The following MAP3K5 variants were observed in gnomAD, a reference collection of about 807,000 sequenced individuals.
MAP3K5 encodes the protein ASK-1.
Under a neutral mutation model 158.7 loss-of-function variants are expected in MAP3K5, and 56 were observed. The observed-to-expected ratio is 0.35, with a 90% CI of 0.28 to 0.44. The LOEUF (loss-of-function observed/expected upper bound fraction) is 0.44, where lower values mean the gene tolerates loss of function less well. Among genes scored for constraint, MAP3K5 ranks in the 20% least tolerant of loss-of-function variants. The pLI, the probability that MAP3K5 is intolerant of heterozygous loss-of-function variation, is 1.00. For missense variants in MAP3K5, 1,294 were observed against 1,674.8 expected, an observed-to-expected ratio of 0.77 and a Z score of 3.97; for synonymous variants, 579 against 601.7, an observed-to-expected ratio of 0.96 and a Z score of 0.55.
At chr6:136,598,818 C>T (rs1276987629) in intron 21 of MAP3K5, among the ~76,000 whole-genome samples, 1 of 152,082 alleles carries the variant, frequency 6.6e-6, no homozygotes, top group Non-Finnish European at 1.5e-5. Flanking sequence ...GTAAGACGAG[C>T]TAATAGGTCA....
chr6:136,747,578 T>C (rs1459576991), intron 1 of MAP3K5, among the ~76,000 whole-genome samples: 2 of 152,200 alleles, frequency 1.3e-5, no homozygotes, highest in African/African-American at 4.8e-5. Flanking sequence ...AGGTCATGAG[T>C]GTCTTTTGCA....
At position 136,557,767 on chromosome 6, in the gene MAP3K5, T is replaced by C. The variant is rs1203000312; in HGVS notation, c.4116A>G (p.Lys1372=). The C allele has an allele frequency of 6.2e-6, 10 of 1,611,226 alleles. No homozygotes were observed. The highest frequency in any genetic ancestry group is 7.6e-6 in the Non-Finnish European group (9 of 1,177,530). The change falls in exon 30 of 30, where the codon AAA becomes AAG. Residue 1372 remains lysine (K), a synonymous_variant. Transcript: ENST00000359015. ...LWKAIIDFRN[K]QT is the part of the protein sequence containing the mutation. ...TTAGATTGAGCAACAGTCAAGTCTG[T>C]TTGTTTCGAAAGTCAATGATAGCCT...
chr6:136,637,909 C>A (rs900805873), intron 13 of MAP3K5, among the ~76,000 whole-genome samples: 18 of 152,136 alleles, frequency 1.2e-4, no homozygotes, highest in Non-Finnish European at 1.8e-4. Flanking sequence ...AACTCAGAAC[C>A]TTTCTTACCC....
chr6:136,579,808 T>C (rs1223913540), intron 25 of MAP3K5: 6 of 456,168 alleles, frequency 1.3e-5, no homozygotes, highest in African/African-American at 1.2e-4. Flanking sequence ...AGACTAGTCT[T>C]TAAAAAAAAA....
chr6:136,655,315 C>G (rs1405614609), intron 10 of MAP3K5, among the ~76,000 whole-genome samples: 1 of 152,188 alleles, frequency 6.6e-6, no homozygotes, highest in Non-Finnish European at 1.5e-5. Context: ...AAGTATTTTC[C>G]TAGGCTACAC....
At chr6:136,587,177 G>A (rs1284390136) in intron 23 of MAP3K5, among the ~76,000 whole-genome samples, 1 of 152,110 alleles carries the variant, frequency 6.6e-6, no homozygotes, top group Non-Finnish European at 1.5e-5. Context: ...GCTTTTCATG[G>A]TTTAAGGGTT....
intron 15 of MAP3K5, among the ~76,000 whole-genome samples, chr6:136,618,997 A>G (rs1776687780): frequency 6.6e-6 from 1 of 152,172 alleles, no homozygotes; most frequent in Non-Finnish European, 1.5e-5. Flanking sequence ...GGCGAGTGCA[A>G]CAGAGGAGAA....
chr6:136,741,071 T>C (rs1440952730), intron 1 of MAP3K5, among the ~76,000 whole-genome samples: 3 of 152,186 alleles, frequency 2.0e-5, no homozygotes, highest in African/African-American at 4.8e-5. Context: ...TGGTTGTCGA[T>C]ATAGACCATG....
intron 8 of MAP3K5, among the ~76,000 whole-genome samples, chr6:136,666,349 CTTAA>C (rs1017883069): frequency 1.3e-5 from 2 of 152,160 alleles, no homozygotes; most frequent in African/African-American, 2.4e-5. Context: ...GAGTGCTCAT[CTTAA>C]TTGTTTACCC....
At chr6:136,729,247 G>A (rs1782102406) in intron 1 of MAP3K5, among the ~76,000 whole-genome samples, 1 of 152,198 alleles carries the variant, frequency 6.6e-6, no homozygotes, top group African/African-American at 2.4e-5. Context: ...CTCCAGAAGA[G>A]TAATGAGCAT....
intron 1 of MAP3K5, among the ~76,000 whole-genome samples, chr6:136,789,587 T>C (rs1483983759): frequency 1.3e-5 from 2 of 149,858 alleles, no homozygotes; most frequent in Admixed American, 6.7e-5. Flanking sequence ...GCCAGCTCAC[T>C]CACATGATTC....
chr6:136,563,412 C>T (rs1311494321), intron 26 of MAP3K5, among the ~76,000 whole-genome samples: 1 of 152,024 alleles, frequency 6.6e-6, no homozygotes, highest in Non-Finnish European at 1.5e-5. Context: ...ATTTGAGAAA[C>T]AGTCATAGGT....
intron 18 of MAP3K5, among the ~76,000 whole-genome samples, chr6:136,610,678 T>C (rs1776296305): frequency 6.9e-6 from 1 of 144,744 alleles, no homozygotes; most frequent in East Asian, 2.0e-4. Flanking sequence ...GAAAAATAAG[T>C]AACAAGTTGA....
intron 2 of MAP3K5, among the ~76,000 whole-genome samples, chr6:136,719,284 A>C (rs1457094379): frequency 6.6e-6 from 1 of 152,240 alleles, no homozygotes. Flanking sequence ...AAATAGCAGC[A>C]AATCAAAATG....
intron 10 of MAP3K5, among the ~76,000 whole-genome samples, chr6:136,654,832 T>C (rs9483938): frequency 6.6e-6 from 1 of 152,064 alleles, no homozygotes; most frequent in Non-Finnish European, 1.5e-5. Context: ...TATAAAACAT[T>C]TTCTCCCTGC....
intron 14 of MAP3K5, among the ~76,000 whole-genome samples, chr6:136,626,745 C>G (rs1263275622): frequency 1.3e-5 from 2 of 152,034 alleles, no homozygotes; most frequent in Non-Finnish European, 2.9e-5. Context: ...AGTACCACCA[C>G]CATTTTACAC....
chr6:136,643,901 AAT>A (rs140365564), intron 11 of MAP3K5, among the ~76,000 whole-genome samples: 68 of 147,774 alleles, frequency 4.6e-4, no homozygotes, highest in Non-Finnish European at 4.4e-4. Flanking sequence ...TGAACTTCTA[AAT>A]ATATATATAT....
At chr6:136,679,982 G>A (rs983583512) in intron 7 of MAP3K5, among the ~76,000 whole-genome samples, 1 of 152,040 alleles carries the variant, frequency 6.6e-6, no homozygotes, top group South Asian at 2.1e-4. Flanking sequence ...TACAAAGGAA[G>A]AAAATTCAGA....
intron 15 of MAP3K5, among the ~76,000 whole-genome samples, chr6:136,620,195 G>A (rs1562552933): frequency 6.6e-6 from 1 of 152,152 alleles, no homozygotes; most frequent in Non-Finnish European, 1.5e-5. Context: ...GCTTGAACTC[G>A]GGAGGTGGAG....
Sources: gnomAD v4.1 joint callset for allele counts (sites outside exome capture counted in the v4.1 genomes callset) on GRCh38, gnomAD v4.1.1 for gene constraint, MANE v1.5 for transcripts, NCBI Gene and HGNC (gene_info 2026-07-23, HGNC 2026-07-21) for gene names.